Variants in ATP9B observed in about 807,000 individuals in gnomAD.
ATP9B encodes ATPase phospholipid transporting 9B.
Under a neutral mutation model 146.1 loss-of-function variants are expected in ATP9B, and 110 were observed. That is an observed-to-expected ratio of 0.75 (90% CI 0.65 to 0.88). The LOEUF (loss-of-function observed/expected upper bound fraction) is 0.88. Among genes scored for constraint, ATP9B ranks in the 40% least tolerant of loss-of-function variants. The probability of loss-of-function intolerance (pLI) is 0.00; values close to 1 mark genes in which losing one functional copy is unlikely to be tolerated. For synonymous variants in ATP9B, 604 were observed against 569.7 expected (o/e 1.06, Z -0.86); for missense variants, 1,499 against 1,496.4 (o/e 1.00, Z -0.03).
At chr18:79,148,685 G>C (rs1364757233) in intron 6 of ATP9B, among the ~76,000 whole-genome samples, 2 of 152,134 alleles carry the variant, frequency 1.3e-5, no homozygotes, top group Non-Finnish European at 2.9e-5. Flanking sequence ...TGCTGTTACT[G>C]TTACTCAATG....
At chr18:79,082,814 G>A (rs754087042) in intron 1 of ATP9B, among the ~76,000 whole-genome samples, 5 of 152,188 alleles carry the variant, frequency 3.3e-5, no homozygotes, top group Non-Finnish European at 5.9e-5. Flanking sequence ...GATGCCAGCC[G>A]GAGCTCTCCG....
chr18:79,173,884 G>T (rs1302659971), intron 7 of ATP9B, among the ~76,000 whole-genome samples: 1 of 152,110 alleles, frequency 6.6e-6, no homozygotes, highest in East Asian at 1.9e-4. Flanking sequence ...TATCTTTAAA[G>T]AAAGTCTTCA....
chr18:79,108,333 A>G lies in ATP9B; in HGVS notation c.294-2022A>G, dbSNP rs2075790239. ...TTTTCTTTCATTCAAGCATAAACAG[A>G]TAAAATATTATCAGCATTTTATTGA... On this transcript the variant is annotated intron_variant, in intron 2 of 29. Coordinates refer to ENST00000426216, the MANE Select transcript of ATP9B (RefSeq NM_198531.5). Among the ~76,000 whole-genome samples the G allele has an allele frequency of 2.6e-5, 4 of 152,220 alleles. No individual in the cohort carries two copies. In the South Asian group the frequency reaches 8.3e-4, roughly 32 times the overall value.
intron 7 of ATP9B, among the ~76,000 whole-genome samples, chr18:79,159,172 A>G (rs1168560121): frequency 2.0e-5 from 3 of 152,178 alleles, no homozygotes; most frequent in Non-Finnish European, 4.4e-5. Flanking sequence ...ACAGCATGTA[A>G]TTGCATCATG....
rs751878149 is a variant in ATP9B, at chr18:79,277,213, G to A, written c.1411+17G>A. On this transcript the variant is annotated intron_variant, in intron 13 of 29. Coordinates refer to ENST00000426216, the MANE Select transcript of ATP9B (RefSeq NM_198531.5). ...ACAAAACAGGTACTGTTCGTGGTCT[G>A]TGTTCACCTTTGAATGGACAAAATG... 2 of 1,613,746 alleles carry A rather than the reference G, an allele frequency of 1.2e-6. No homozygotes were observed. The highest frequency in any genetic ancestry group is 3.3e-5 in the Admixed American group (2 of 59,998).
chr18:79,129,177 G>A (rs2094336728), intron 5 of ATP9B, among the ~76,000 whole-genome samples: 1 of 152,166 alleles, frequency 6.6e-6, no homozygotes, highest in Admixed American at 6.6e-5. Flanking sequence ...GTAGCAGAGG[G>A]CAAAAGATGA....
chr18:79,121,538 C>CT (rs1431838451), intron 4 of ATP9B, among the ~76,000 whole-genome samples: 6 of 152,204 alleles, frequency 3.9e-5, no homozygotes, highest in African/African-American at 1.4e-4. Context: ...GATCTAAACT[C>CT]TTACGGGTAG....
At chr18:79,296,596 T>C (rs976100688) in intron 13 of ATP9B, among the ~76,000 whole-genome samples, 4 of 152,228 alleles carry the variant, frequency 2.6e-5, no homozygotes, top group African/African-American at 4.8e-5. Context: ...TTTCCAACTT[T>C]GGATTCCACA....
chr18:79,077,370 T>C (rs893807836), intron 1 of ATP9B, among the ~76,000 whole-genome samples: 1 of 152,156 alleles, frequency 6.6e-6, no homozygotes, highest in Admixed American at 6.5e-5. Flanking sequence ...ATGTGACTGC[T>C]GGCTCCCCAG....
chr18:79,273,239 T>G (rs2096274534), intron 12 of ATP9B, among the ~76,000 whole-genome samples: 1 of 152,206 alleles, frequency 6.6e-6, no homozygotes, highest in African/African-American at 2.4e-5. Context: ...ATAGAACACG[T>G]GTGCATCTGA....
chr18:79,126,346 CACA>C lies in ATP9B; in HGVS notation c.641_643del (p.Gln214del). On this transcript the variant is annotated inframe_deletion, in exon 5 of 30. Coordinates refer to ENST00000426216, the MANE Select transcript of ATP9B (RefSeq NM_198531.5). The stretch of plus-strand genomic sequence containing the variant: ...TTTCAGCGTGACAAGGAAGTGAATT[CACA>C]ACTATATAGCAAGCTTACAGTAAGA... 1 of 1,611,832 alleles carries C rather than the reference CACA, an allele frequency of 6.2e-7. No individual in the cohort carries two copies. The highest frequency in any genetic ancestry group is 1.1e-5 in the South Asian group (1 of 90,890).
rs565960434 is a variant in ATP9B, at chr18:79,287,311, A to G, written c.1411+10115A>G. 2.1e-3 allele frequency among the ~76,000 whole-genome samples: 319 copies of G among 150,424 alleles called. 1 individual carries two copies. Among genetic ancestry groups the G allele is most frequent in the African/African-American group, 7.2e-3 (293 of 40,664 alleles). ...CAATTTCAGAGCCTGTTATTGGTCT[A>G]TTCAGAGATTCAACTTCTTCCTGGT... is the stretch of plus-strand genomic sequence containing the variant. On this transcript the variant is annotated intron_variant, in intron 13 of 29. Coordinates refer to ENST00000426216, the MANE Select transcript of ATP9B (RefSeq NM_198531.5).
At chr18:79,132,672 GT>G (rs1438394231) in intron 5 of ATP9B, among the ~76,000 whole-genome samples, 10 of 152,172 alleles carry the variant, frequency 6.6e-5, no homozygotes, top group African/African-American at 2.4e-4. Flanking sequence ...AATATTTTCT[GT>G]TGACCTCCTC....
chr18:79,079,913 C>G (rs574209330), intron 1 of ATP9B, among the ~76,000 whole-genome samples: 1 of 152,268 alleles, frequency 6.6e-6, no homozygotes, highest in South Asian at 2.1e-4. Context: ...AATCCTTTCC[C>G]CATTGCTTGT....
chr18:79,118,393 T>G (rs1053489458), intron 4 of ATP9B, among the ~76,000 whole-genome samples: 5 of 118,980 alleles, frequency 4.2e-5, no homozygotes, highest in South Asian at 3.5e-4. Context: ...CGTTTTTGTT[T>G]TTTTTTTTTT....
intron 6 of ATP9B, chr18:79,147,012 A>G (rs2094602790): frequency 6.6e-6 from 1 of 152,250 alleles, no homozygotes. Context: ...AAAAGGATAG[A>G]AAAATAGATA....
intron 11 of ATP9B, among the ~76,000 whole-genome samples, chr18:79,233,405 C>G (rs887972070): frequency 1.3e-5 from 2 of 152,130 alleles, no homozygotes; most frequent in African/African-American, 2.4e-5. Flanking sequence ...ACCACAAATC[C>G]ATGAAGCTCA....
intron 17 of ATP9B, among the ~76,000 whole-genome samples, chr18:79,331,283 G>A (rs2298722): frequency 0.41 from 61,989 of 152,072 alleles, 12,787 homozygotes; most frequent in Middle Eastern, 0.54. Flanking sequence ...TATCTCCTTC[G>A]GGGTGGTTTG....
At chr18:79,238,686 A>G (rs2095863912) in intron 11 of ATP9B, among the ~76,000 whole-genome samples, 1 of 151,922 alleles carries the variant, frequency 6.6e-6, no homozygotes, top group South Asian at 2.1e-4. Flanking sequence ...TGGGCCCTGG[A>G]TTTCACGCTT....
Sources: gnomAD v4.1 joint callset for allele counts (sites outside exome capture counted in the v4.1 genomes callset) on GRCh38, gnomAD v4.1.1 for gene constraint, MANE v1.5 for transcripts, NCBI Gene and HGNC (gene_info 2026-07-23, HGNC 2026-07-21) for gene names.